The following ASDURF variants were observed in gnomAD, a reference collection of about 807,000 sequenced individuals.
ASDURF encodes the protein ASNSD1 upstream open reading frame.
Under a neutral mutation model 3.3 loss-of-function variants are expected in ASDURF, and 3 were observed. The observed-to-expected ratio is 0.92, with a 90% CI of 0.42 to 2.37. ASDURF has a LOEUF of 2.37. Ranked by LOEUF, ASDURF falls within the 30% of genes most tolerant of loss-of-function variation. The pLI is 0.05. For missense variants in ASDURF, 23 were observed against 25.4 expected (o/e 0.90, Z 0.21); for synonymous variants, 11 against 8.3 (o/e 1.32, Z -0.55).
chr2:189,664,129 A>G (rs2032734126), intron 2 of ASDURF, among the ~76,000 whole-genome samples, 175 bp downstream of exon 2: 1 of 152,208 alleles, frequency 6.6e-6, no homozygotes, highest in Non-Finnish European at 1.5e-5. Context: ...GATAGATCTC[A>G]TAGCTGAAGA....
At position 189,666,225 on chromosome 2, in the gene ASDURF, A is replaced by G; in HGVS notation, c.*114A>G. 1.2e-6 allele frequency: 2 copies of G among 1,613,998 alleles called. No individual in the cohort carries two copies. Among genetic ancestry groups the G allele is most frequent in the South Asian group, 2.2e-5 (2 of 91,034 alleles). On this transcript the variant is annotated 3_prime_UTR_variant, in exon 4 of 4. Transcript: ENST00000607829. Reference sequence around the variant, plus strand: ...TACTATATAATCTTAAACAGCGGGGACCCAATAGTAGTAAACAATTGTTAA... The same window carrying G: ...TACTATATAATCTTAAACAGCGGGGGCCCAATAGTAGTAAACAATTGTTAA...
intron 3 of ASDURF, 89 bp downstream of exon 3, chr2:189,665,540 A>C: frequency 2.9e-6 from 1 of 339,492 alleles, no homozygotes; most frequent in Non-Finnish European, 5.2e-6. Flanking sequence ...TTAATGCAGC[A>C]GTTTGATTTT....
intron 3 of ASDURF, 50 bp downstream of exon 3, chr2:189,665,501 A>T (rs1349439099): frequency 2.6e-6 from 1 of 390,808 alleles, no homozygotes. Flanking sequence ...AATTATACTC[A>T]TCTGAGTGTT....
At position 189,666,233 on chromosome 2, in the gene ASDURF, G is replaced by A. The variant is rs142847766; in HGVS notation, c.*122G>A. The A allele has an allele frequency of 2.0e-4, 319 of 1,614,072 alleles. No homozygotes were observed. The African/African-American group carries it at 3.6e-3, about 18-fold the overall frequency. Reference sequence around the variant, plus strand: ...AATCTTAAACAGCGGGGACCCAATAGTAGTAAACAATTGTTAAAGTCTGAT... The same window carrying A: ...AATCTTAAACAGCGGGGACCCAATAATAGTAAACAATTGTTAAAGTCTGAT... On this transcript the variant is annotated 3_prime_UTR_variant, in exon 4 of 4. Coordinates refer to ENST00000607829, the MANE Select transcript of ASDURF (RefSeq NM_001353493.2).
intron 2 of ASDURF, among the ~76,000 whole-genome samples, chr2:189,664,807 G>C (rs534294961): frequency 7.5e-6 from 1 of 132,820 alleles, no homozygotes; most frequent in Non-Finnish European, 1.7e-5. Flanking sequence ...GGGCAAATTG[G>C]CAAAAAGTCT....
At chr2:189,663,125 T>C (rs1392530799) in intron 1 of ASDURF, among the ~76,000 whole-genome samples, 1 of 152,064 alleles carries the variant, frequency 6.6e-6, no homozygotes, top group African/African-American at 2.4e-5. Flanking sequence ...CATGAAAATA[T>C]TGAAAAAAGT....
chr2:189,661,463 C>G lies in ASDURF; in HGVS notation c.-58C>G, dbSNP rs141049165. 7 of 399,040 alleles carry G rather than the reference C, an allele frequency of 1.8e-5. No homozygotes were observed. Among genetic ancestry groups the G allele is most frequent in the Non-Finnish European group, 2.7e-5 (6 of 226,146 alleles). 24.7% of individuals were successfully genotyped at this position (399,040 alleles called of 1,614,324 possible). A position where few individuals can be genotyped will look rare whatever the true frequency, so the allele number is the denominator to read the frequency against. ...GGCTGGAAGCGCGCATGCGCTGTGG[C>G]TAATGCCGTAGGCTCCTTCAGGGCT... On this transcript the variant is annotated 5_prime_UTR_variant, in exon 1 of 4. Coordinates refer to ENST00000607829, the MANE Select transcript of ASDURF (RefSeq NM_001353493.2).
At chr2:189,662,739 T>TA (rs1381657433) in intron 1 of ASDURF, among the ~76,000 whole-genome samples, 1 of 151,944 alleles carries the variant, frequency 6.6e-6, no homozygotes, top group Non-Finnish European at 1.5e-5. Context: ...ACAAAATAAA[T>TA]AGAGTTAAAA....
intron 3 of ASDURF, 148 bp from the exon 4 acceptor site, chr2:189,665,893 C>A: frequency 2.4e-6 from 1 of 417,160 alleles, no homozygotes; most frequent in Non-Finnish European, 4.2e-6. Context: ...TTATTAGTAG[C>A]CTGTTGTTAA....
chr2:189,662,610 A>G (rs567084299), intron 1 of ASDURF, among the ~76,000 whole-genome samples: 5 of 152,298 alleles, frequency 3.3e-5, no homozygotes, highest in African/African-American at 1.2e-4. Context: ...GATTACCACC[A>G]TAGCAAGCCA....
intron 1 of ASDURF, among the ~76,000 whole-genome samples, chr2:189,662,161 T>G (rs2032681443): frequency 6.6e-6 from 1 of 152,230 alleles, no homozygotes; most frequent in Admixed American, 6.5e-5. Context: ...GCTTCTCCGT[T>G]AACCAGAGCA....
Position 189,666,383 on chromosome 2 carries a change from A to T in ASDURF, c.*272A>T. ...AATGGAGAAATTTTTAGTGGAATAA[A>T]GGTTGAAGCTGAAGAGAATGACACT... On this transcript the variant is annotated 3_prime_UTR_variant, in exon 4 of 4. Transcript: ENST00000607829. 6.2e-7 allele frequency: 1 copy of T among 1,613,968 alleles called. No homozygotes were observed. Among genetic ancestry groups the T allele is most frequent in the Non-Finnish European group, 8.5e-7 (1 of 1,179,952 alleles).
rs1559034482 is a variant in ASDURF, at chr2:189,665,624, A to ATATG, written c.220+176_220+177insGTAT. On this transcript the variant is annotated intron_variant, in intron 3 of 3. Transcript: ENST00000607829. The stretch of plus-strand genomic sequence containing the variant: ...TATATATATATATATATATATATAT[A>ATATG]TATATATATATATATATATATATTA... 3.7e-3 allele frequency among the ~76,000 whole-genome samples: 447 copies of ATATG among 121,770 alleles called. 10 individuals carry two copies. The highest frequency in any genetic ancestry group is 0.014 in the African/African-American group (421 of 30,092). The allele number at this position is 121,770 out of a possible 152,430, so 79.9% of individuals were successfully genotyped here. A position where few individuals can be genotyped will look rare whatever the true frequency, so the allele number is the denominator to read the frequency against.
chr2:189,663,167 A>G (rs894052592), intron 1 of ASDURF, among the ~76,000 whole-genome samples: 1 of 151,568 alleles, frequency 6.6e-6, no homozygotes, highest in Non-Finnish European at 1.5e-5. Flanking sequence ...GCTTTTTTTT[A>G]AATCTAAATC....
At chr2:189,662,686 T>C (rs1298995574) in intron 1 of ASDURF, among the ~76,000 whole-genome samples, 1 of 152,176 alleles carries the variant, frequency 6.6e-6, no homozygotes, top group African/African-American at 2.4e-5. Flanking sequence ...TGATAAAAGC[T>C]GCTTTTAGAG....
chr2:189,665,595 TG>T (rs2032770037), intron 3 of ASDURF, 144 bp downstream of exon 3: 3 of 10,386 alleles, frequency 2.9e-4, no homozygotes, highest in Non-Finnish European at 4.1e-4. Context: ...TATATATATA[TG>T]TGTATATATA....
At chr2:189,665,932 G>A (rs1034704280) in intron 3 of ASDURF, 109 bp from the exon 4 acceptor site, 35 of 516,432 alleles carry the variant, frequency 6.8e-5, no homozygotes, top group Middle Eastern at 1.0e-3. Flanking sequence ...CAGTGTGTGT[G>A]TTTATATGGT....
chr2:189,663,636 C>T (rs915252341), intron 1 of ASDURF, among the ~76,000 whole-genome samples: 2 of 152,156 alleles, frequency 1.3e-5, no homozygotes, highest in Non-Finnish European at 2.9e-5. Context: ...GTTATGAACA[C>T]GAAAATCCCT....
rs35212546 is a variant in ASDURF at position 189,666,213 on chromosome 2, T to A, written c.*102T>A. The A allele has an allele frequency of 2.9e-4, 461 of 1,613,222 alleles. 1 individual carries two copies. The highest frequency in any genetic ancestry group is 3.4e-4 in the Non-Finnish European group (402 of 1,179,852). On this transcript the variant is annotated 3_prime_UTR_variant, in exon 4 of 4. Transcript: ENST00000607829. ...TAAAAGAGGACTTACTATATAATCT[T>A]AAACAGCGGGGACCCAATAGTAGTA...
Sources: gnomAD v4.1 joint callset for allele counts (sites outside exome capture counted in the v4.1 genomes callset) on GRCh38, gnomAD v4.1.1 for gene constraint, MANE v1.5 for transcripts, NCBI Gene and HGNC (gene_info 2026-07-23, HGNC 2026-07-21) for gene names.